The following TMC5 variants were observed in gnomAD, a reference collection of about 807,000 sequenced individuals.
TMC5 encodes the protein transmembrane channel-like protein 5.
Under a neutral mutation model 110.5 loss-of-function variants are expected in TMC5, and 86 were observed. The ratio of observed to expected loss-of-function variants is 0.78; its 90% CI spans 0.65 to 0.93. The LOEUF (loss-of-function observed/expected upper bound fraction) is 0.93. TMC5 is among the 40% of genes least tolerant of loss of function. The pLI, the probability that TMC5 is intolerant of heterozygous loss-of-function variation, is 0.00. For missense variants in TMC5, 1,144 were observed against 1,222.8 expected (o/e 0.94, Z 0.96); for synonymous variants, 455 against 439.5 (o/e 1.04, Z -0.44).
upstream of TMC5, among the ~76,000 whole-genome samples, chr16:19,413,021 T>C (rs1039008224): frequency 6.6e-6 from 1 of 151,902 alleles, no homozygotes; most frequent in African/African-American, 2.4e-5. Context: ...TTTTTTAATT[T>C]TTTGTAGAGA....
rs1968287562 is a variant in TMC5 at position 19,469,901 on chromosome 16, T to TC, written c.1782+76_1782+77insC. 2.5e-6 allele frequency: 3 copies of TC among 1,199,582 alleles called. No homozygotes were observed. In the East Asian group the frequency reaches 1.4e-4, roughly 56 times the overall value. The allele number at this position is 1,199,582 out of a possible 1,614,324, so 74.3% of individuals were successfully genotyped here. A position where few individuals can be genotyped will look rare whatever the true frequency, so the allele number is the denominator to read the frequency against. ...CTCCAGTATACCTGTAACTTTTCTT[T>TC]TTTTTTTTTTTGAATTGGAGTCTCA... On this transcript the variant is annotated intron_variant, in intron 10 of 21. Coordinates refer to ENST00000542583, the MANE Select transcript of TMC5 (RefSeq NM_001261841.2).
intron 19 of TMC5, among the ~76,000 whole-genome samples, chr16:19,492,943 A>ATATATATATATATATGT (rs61334845): frequency 1.1e-5 from 1 of 92,078 alleles, no homozygotes; most frequent in Non-Finnish European, 2.4e-5. Flanking sequence ...TCTCTCTATA[A>ATATATATATATATATGT]GATAAATACT....
chr16:19,495,399 A>G (rs557524284), intron 20 of TMC5, among the ~76,000 whole-genome samples: 1 of 152,140 alleles, frequency 6.6e-6, no homozygotes, highest in South Asian at 2.1e-4. Flanking sequence ...TTACTTGTTT[A>G]TTACAAAAGT....
chr16:19,479,907 A>C (rs1968574270), intron 14 of TMC5, among the ~76,000 whole-genome samples: 1 of 151,386 alleles, frequency 6.6e-6, no homozygotes, highest in Non-Finnish European at 1.5e-5. Context: ...TAGCCTGGGC[A>C]AAATAGGAAG....
chr16:19,473,285 G>A (rs1323679405), intron 11 of TMC5, among the ~76,000 whole-genome samples: 1 of 139,104 alleles, frequency 7.2e-6, no homozygotes, highest in Non-Finnish European at 1.5e-5. Flanking sequence ...GGCAGAGGTT[G>A]CAGTGAGCCG....
At chr16:19,475,455 C>T (rs1733409116) in intron 12 of TMC5, among the ~76,000 whole-genome samples, 1 of 151,690 alleles carries the variant, frequency 6.6e-6, no homozygotes, top group African/African-American at 2.4e-5. Flanking sequence ...CTGTACAATG[C>T]AGACTGAGTT....
intron 9 of TMC5, 111 bp downstream of exon 9, chr16:19,466,344 C>CCT: frequency 9.1e-7 from 1 of 1,094,054 alleles, no homozygotes. Flanking sequence ...CCTCTCCTCT[C>CCT]CTCTCCTCTC....
At position 19,463,761 on chromosome 16, in the gene TMC5, G is replaced by A. The variant is rs1396771959; in HGVS notation, c.1237-15G>A. On this transcript the variant is annotated splice_polypyrimidine_tract_variant and intron_variant, in intron 7 of 21. Coordinates refer to ENST00000542583, the MANE Select transcript of TMC5 (RefSeq NM_001261841.2). ...GTCAACAGCAAGCCACACCTGCTTT[G>A]AATCCTGATTCCAGGCTTATCGGAG... The A allele has an allele frequency of 5.0e-6, 8 of 1,611,548 alleles. No homozygotes were observed. The highest frequency in any genetic ancestry group is 3.3e-5 in the Admixed American group (2 of 59,746).
chr16:19,458,303 T>G (rs1339687447), intron 5 of TMC5, among the ~76,000 whole-genome samples: 4 of 152,286 alleles, frequency 2.6e-5, no homozygotes, highest in Non-Finnish European at 1.5e-5. Context: ...TTCTGCCTCC[T>G]GGGTTCAAGC....
At chr16:19,446,014 CAAA>C (rs113174029) in intron 4 of TMC5, among the ~76,000 whole-genome samples, 9,917 of 125,128 alleles carry the variant, frequency 0.079, 678 homozygotes, top group African/African-American at 0.2. Context: ...GACCCTGTCG[CAAA>C]AAAAGAAAGG....
At position 19,422,241 on chromosome 16, in the gene TMC5, AAGAG is replaced by A. The variant is rs564429754; in HGVS notation, c.-308+4161_-308+4164del. On this transcript the variant is annotated intron_variant, in intron 1 of 21. Coordinates refer to ENST00000542583, the MANE Select transcript of TMC5 (RefSeq NM_001261841.2). ...GCTAGACTCCATTTCAAAAAAAAAA[AAGAG>A]AGAGAGAGAGAAGACAGAATTTGCT... 1.2e-3 allele frequency among the ~76,000 whole-genome samples: 181 copies of A among 151,846 alleles called. 1 individual carries two copies. Among genetic ancestry groups the A allele is most frequent in the South Asian group, 0.01 (50 of 4,810 alleles).
intron 1 of TMC5, among the ~76,000 whole-genome samples, chr16:19,422,749 A>G (rs771405035): frequency 1.3e-5 from 2 of 151,996 alleles, no homozygotes; most frequent in South Asian, 2.1e-4. Flanking sequence ...TCATGAGGTC[A>G]GGCCTGGCCA....
intron 2 of TMC5, among the ~76,000 whole-genome samples, chr16:19,434,501 G>GATAGATAGATATATATAT (rs1160899052): frequency 1.1e-5 from 1 of 93,328 alleles, no homozygotes; most frequent in African/African-American, 3.2e-5. Flanking sequence ...GATATAGAGA[G>GATAGATAGATATATATAT]AGAGAGAGAT....
At chr16:19,473,037 C>A (rs1968383824) in intron 11 of TMC5, among the ~76,000 whole-genome samples, 1 of 152,024 alleles carries the variant, frequency 6.6e-6, no homozygotes, top group African/African-American at 2.4e-5. Context: ...AGTGCCTCTC[C>A]CAGCCTCACA....
chr16:19,413,511 C>G (rs919393517), upstream of TMC5, among the ~76,000 whole-genome samples: 3 of 113,762 alleles, frequency 2.6e-5, no homozygotes, highest in African/African-American at 9.9e-5. Context: ...GCGACATTGC[C>G]AAACCCTGCC....
intron 5 of TMC5, among the ~76,000 whole-genome samples, chr16:19,453,485 A>G (rs1967795334): frequency 1.3e-5 from 2 of 151,770 alleles, no homozygotes; most frequent in Admixed American, 1.3e-4. Flanking sequence ...GCTACTCAGG[A>G]GGCTCAGGCT....
At chr16:19,437,468 A>G (rs1396666542) in intron 2 of TMC5, among the ~76,000 whole-genome samples, 10 of 152,212 alleles carry the variant, frequency 6.6e-5, no homozygotes, top group African/African-American at 2.4e-4. Flanking sequence ...ACAGATGTCA[A>G]CTATGCTGAG....
chr16:19,439,593 C>T (rs907950329), intron 2 of TMC5, among the ~76,000 whole-genome samples: 8 of 152,170 alleles, frequency 5.3e-5, no homozygotes, highest in African/African-American at 1.9e-4. Context: ...ACCAGCAACC[C>T]AGCATCCTTT....
intron 18 of TMC5, 101 bp downstream of exon 18, chr16:19,490,669 C>A: frequency 2.6e-6 from 3 of 1,165,808 alleles, no homozygotes; most frequent in Non-Finnish European, 3.8e-6. Context: ...TATAGCATAG[C>A]TCAGTGTTCT....
Sources: gnomAD v4.1 joint callset for allele counts (sites outside exome capture counted in the v4.1 genomes callset) on GRCh38, gnomAD v4.1.1 for gene constraint, MANE v1.5 for transcripts, NCBI Gene and HGNC (gene_info 2026-07-23, HGNC 2026-07-21) for gene names.